The following TTBK1 variants were observed in gnomAD, a reference collection of about 807,000 sequenced individuals.
TTBK1 encodes the protein tau tubulin kinase 1.
In TTBK1, 34 loss-of-function variants were observed where a neutral mutation model predicts 108.5. The observed-to-expected ratio is 0.31, with a 90% CI of 0.24 to 0.42. The LOEUF (loss-of-function observed/expected upper bound fraction) is 0.42. Ranked by LOEUF, TTBK1 falls within the 10% of genes least tolerant of loss-of-function variation. The pLI, the probability that TTBK1 is intolerant of heterozygous loss-of-function variation, is 1.00. For synonymous variants in TTBK1, 809 were observed against 795.1 expected, an observed-to-expected ratio of 1.02 and a Z score of -0.29; for missense variants, 1,539 against 1,826.0, an observed-to-expected ratio of 0.84 and a Z score of 2.86.
At position 43,285,293 on chromosome 6, in the gene TTBK1, G is replaced by T. The variant is rs1212406461; in HGVS notation, c.3883G>T (p.Gly1295Ter). The T allele has an allele frequency of 7.7e-7, 1 of 1,290,886 alleles. No individual in the cohort carries two copies. Among genetic ancestry groups the T allele is most frequent in the Non-Finnish European group, 9.8e-7 (1 of 1,023,184 alleles). The allele number at this position is 1,290,886 out of a possible 1,614,324, so 80.0% of individuals were successfully genotyped here. ...CCCCTCCCCCGGGGGCTCCAAGAAAGGACCCAGAGGGAAACTCCAGGCTCA... is the reference window on the plus strand; with the variant it reads ...CCCCTCCCCCGGGGGCTCCAAGAAATGACCCAGAGGGAAACTCCAGGCTCA... ...GTPSPGGSKK[G>*]PRGKLQAQRA... is the part of the protein sequence containing the mutation. The change falls in exon 15 of 15, where the codon GGA (glycine) becomes TGA (stop). Residue 1295 changes from glycine to a stop codon, truncating the protein, a stop_gained. Transcript: ENST00000259750. LOFTEE classifies it high-confidence loss of function. This position sits in a 1 kb window ranked among gnomAD's most constrained non-coding sequence, Gnocchi z 4.7.
At chr6:43,261,808 CAAAAAA>C (rs11409412) in intron 12 of TTBK1, among the ~76,000 whole-genome samples, 24 of 86,072 alleles carry the variant, frequency 2.8e-4, no homozygotes, top group Middle Eastern at 6.0e-3. Context: ...GATTCTGTCT[CAAAAAA>C]AAAAAAAAAA....
chr6:43,244,604 G>A (rs938732477), intron 1 of TTBK1, among the ~76,000 whole-genome samples: 2 of 152,120 alleles, frequency 1.3e-5, no homozygotes, highest in African/African-American at 2.4e-5. Flanking sequence ...AGAGAAGGAG[G>A]GTGGAGAGGG....
At chr6:43,272,311 A>ACTCAGTG in intron 13 of TTBK1, 1 of 985,504 alleles carries the variant, frequency 1.0e-6, no homozygotes, top group East Asian at 1.1e-4. Context: ...CAGTGACCAG[A>ACTCAGTG]ACCCTGAGGT....
chr6:43,276,598 T>C lies in TTBK1; in HGVS notation c.1987-6129T>C, dbSNP rs975560042. Among the ~76,000 whole-genome samples, 1 of 152,224 alleles carries C rather than the reference T, an allele frequency of 6.6e-6. No homozygotes were observed. The highest frequency in any genetic ancestry group is 2.4e-5 in the African/African-American group (1 of 41,470). ...TTTTGTGCCTTTTTAAGTCCCTGTA[T>C]GTTAATGCAGACAATCCGGAGAGCT... On this transcript the variant is annotated intron_variant, in intron 13 of 14. Transcript: ENST00000259750. The surrounding 1 kb of genome is among the most constrained non-coding windows in gnomAD (Gnocchi z 5.4).
At chr6:43,284,865 A>C in intron 14 of TTBK1, 118 bp from the exon 15 acceptor site, 1 of 1,372,192 alleles carries the variant, frequency 7.3e-7, no homozygotes, top group Non-Finnish European at 9.4e-7. Context: ...CCATGGTCTC[A>C]GTCTCAGCTC....
Position 43,269,565 on chromosome 6 carries a change from G to C in TTBK1, c.1986+6215G>C. ...CGCCGGCGCCGCAGGGGCTGTGAGC[G>C]GTGGGTGGCCCCGGAGACGGAGCTG... On this transcript the variant is annotated intron_variant, in intron 13 of 14. Transcript: ENST00000259750. The surrounding 1 kb of genome is among the most constrained non-coding windows in gnomAD (Gnocchi z 4.8). 1 of 1,438,270 alleles carries C rather than the reference G, an allele frequency of 7.0e-7. No individual in the cohort carries two copies. Among genetic ancestry groups the C allele is most frequent in the Non-Finnish European group, 9.2e-7 (1 of 1,088,766 alleles). The allele number at this position is 1,438,270 out of a possible 1,614,324, so 89.1% of individuals were successfully genotyped here. A position where few individuals can be genotyped will look rare whatever the true frequency, so the allele number is the denominator to read the frequency against.
chr6:43,272,560 A>T (rs947250713), intron 13 of TTBK1: 5 of 985,300 alleles, frequency 5.1e-6, no homozygotes, highest in East Asian at 1.1e-4. Flanking sequence ...TTAGGGGGAC[A>T]TCCTTTTGTA....
chr6:43,258,911 C>T (rs1777447035), intron 10 of TTBK1, 127 bp from the exon 11 acceptor site: 3 of 652,022 alleles, frequency 4.6e-6, no homozygotes, highest in East Asian at 5.6e-5. Flanking sequence ...ACACTCTCAC[C>T]CCTGACGGGA....
At chr6:43,251,655 C>T (rs1054555622) in intron 2 of TTBK1, among the ~76,000 whole-genome samples, 2 of 152,162 alleles carry the variant, frequency 1.3e-5, no homozygotes, top group East Asian at 1.9e-4. Flanking sequence ...CACTTTATTG[C>T]GGTTCTCCTC....
rs1777595661 is a variant in TTBK1 at position 43,263,301 on chromosome 6, G to A, written c.1937G>A (p.Gly646Glu). The change falls in exon 13 of 15, where the codon GGA becomes GAA. Residue 646 changes from glycine (G) to glutamate (E), a missense_variant. This residue lies in a region of TTBK1 where 1,055 missense variants were observed against 1,086.5 expected (regional missense o/e 0.97). Transcript: ENST00000259750. The surrounding 1 kb of genome is among the most constrained non-coding windows in gnomAD (Gnocchi z 4.7). Reference sequence around the variant, plus strand: ...CCTTCCCACTCACCCCTGCACTCGGGACCCCGCCCTCGACGGAGAGAGTCG... The same window carrying A: ...CCTTCCCACTCACCCCTGCACTCGGAACCCCGCCCTCGACGGAGAGAGTCG... ...GSPSHSPLHS[G>E]PRPRRRESDP... 1 of 1,493,068 alleles carries A rather than the reference G, an allele frequency of 6.7e-7. No homozygotes were observed. Among genetic ancestry groups the A allele is most frequent in the Middle Eastern group, 1.8e-4 (1 of 5,632 alleles). The allele number at this position is 1,493,068 out of a possible 1,614,324, so 92.5% of individuals were successfully genotyped here.
rs187867026 is a variant in TTBK1, at chr6:43,258,752, G to A, written c.1017-286G>A. On this transcript the variant is annotated intron_variant, in intron 10 of 14. Coordinates refer to ENST00000259750, the MANE Select transcript of TTBK1 (RefSeq NM_032538.3). ...GTCTAAAGGAAGCCAGACAGTGAAC[G>A]CCAATGGAAATCTGGCAGGTCCTTG... 6.6e-5 allele frequency among the ~76,000 whole-genome samples: 10 copies of A among 152,304 alleles called. No individual in the cohort carries two copies. In the East Asian group the frequency reaches 1.9e-3, roughly 29 times the overall value.
chr6:43,246,730 C>T lies in TTBK1; in HGVS notation c.70C>T (p.Leu24=), dbSNP rs747618899. The T allele has an allele frequency of 8.1e-6, 13 of 1,611,276 alleles. No individual in the cohort carries two copies. The highest frequency in any genetic ancestry group is 1.0e-5 in the Non-Finnish European group (12 of 1,178,772). The change falls in exon 2 of 15, where the codon CTG becomes TTG. Residue 24 remains leucine, a synonymous_variant. Coordinates refer to ENST00000259750, the MANE Select transcript of TTBK1 (RefSeq NM_032538.3). ...MSGGGEQADI[L]PANYVVKDRW... is the part of the protein sequence containing the mutation. ...TGGGGGAGGGGAGCAGGCCGACATC[C>T]TGCCGGCCAACTACGTGGTCAAGGA...
At position 43,285,241 on chromosome 6, in the gene TTBK1, G is replaced by T; in HGVS notation, c.3831G>T (p.Pro1277=). The T allele has an allele frequency of 7.7e-7, 1 of 1,298,918 alleles. No homozygotes were observed. Among genetic ancestry groups the T allele is most frequent in the Non-Finnish European group, 9.7e-7 (1 of 1,028,098 alleles). The allele number at this position is 1,298,918 out of a possible 1,614,324, so 80.5% of individuals were successfully genotyped here. The change falls in exon 15 of 15, where the codon CCG becomes CCT. Residue 1277 remains proline (P), a synonymous_variant. Transcript: ENST00000259750. The surrounding 1 kb of genome is among the most constrained non-coding windows in gnomAD (Gnocchi z 4.7). ...GGGTCCCCCCGCCCCGGGGCGTCCC[G>T]CCGGCCCGGGCCCAGCCTGATGGCA... is the stretch of plus-strand genomic sequence containing the variant. ...RPGVPPPRGV[P]PARAQPDGTP...
intron 13 of TTBK1, chr6:43,270,284 A>C: frequency 2.7e-6 from 3 of 1,113,806 alleles, no homozygotes; most frequent in Non-Finnish European, 3.3e-6. Flanking sequence ...GAGAGGTGTC[A>C]GGGAGATGAG....
In TTBK1 at chr6:43,273,517, G is replaced by C. The variant is rs1365132353; in HGVS notation, c.1987-9210G>C. On this transcript the variant is annotated intron_variant, in intron 13 of 14. Transcript: ENST00000259750. This position sits in a 1 kb window ranked among gnomAD's most constrained non-coding sequence, Gnocchi z 4.2. ...GAGGAGTTAGCATGAGAAAGCAGGGGCTCCAAAGCCTGACCTCAGTGGGAT... is the reference window on the plus strand; with the variant it reads ...GAGGAGTTAGCATGAGAAAGCAGGGCCTCCAAAGCCTGACCTCAGTGGGAT... Among the ~76,000 whole-genome samples the C allele has an allele frequency of 6.6e-6, 1 of 152,110 alleles. No individual in the cohort carries two copies. Among genetic ancestry groups the C allele is most frequent in the Non-Finnish European group, 1.5e-5 (1 of 68,044 alleles).
Position 43,283,830 on chromosome 6 carries a change from G to T in TTBK1, c.3090G>T (p.Leu1030=), listed in dbSNP as rs771170940. ...ACGGGCCAGCCCCGGTGTCCCCGCT[G>T]GAGCCAAGCCCTGAGAAAGTGGCCA... is the stretch of plus-strand genomic sequence containing the variant. The part of the protein sequence containing the change: ...LADGPAPVSP[L]EPSPEKVATI... Residue 1030 remains leucine (L), a synonymous_variant, in exon 14 of 15, where the codon CTG becomes CTT. Transcript: ENST00000259750. This position sits in a 1 kb window ranked among gnomAD's most constrained non-coding sequence, Gnocchi z 8.1. The T allele has an allele frequency of 1.9e-6, 3 of 1,611,434 alleles. No homozygotes were observed. The highest frequency in any genetic ancestry group is 3.3e-5 in the Admixed American group (2 of 59,746).
chr6:43,281,450 G>A (rs996543501), intron 13 of TTBK1, among the ~76,000 whole-genome samples: 1 of 151,944 alleles, frequency 6.6e-6, no homozygotes, highest in Admixed American at 6.6e-5. Flanking sequence ...AGCAGAGAGA[G>A]ATGGAATCAG....
chr6:43,288,140 C>T lies in TTBK1; in HGVS notation c.*2764C>T, dbSNP rs1309228808. ...CAAGCCCTTCCCAGTCACTGCATGGCCTCTGCCCATCCTGCACCTGTCCAC... is the reference window on the plus strand; with the variant it reads ...CAAGCCCTTCCCAGTCACTGCATGGTCTCTGCCCATCCTGCACCTGTCCAC... On this transcript the variant is annotated 3_prime_UTR_variant, in exon 15 of 15. Coordinates refer to ENST00000259750, the MANE Select transcript of TTBK1 (RefSeq NM_032538.3). This position sits in a 1 kb window ranked among gnomAD's most constrained non-coding sequence, Gnocchi z 4.4. 6.5e-6 allele frequency: 1 copy of T among 152,818 alleles called. No homozygotes were observed. The highest frequency in any genetic ancestry group is 1.5e-5 in the Non-Finnish European group (1 of 68,150). 9.5% of individuals were successfully genotyped at this position (152,818 alleles called of 1,614,324 possible).
chr6:43,282,713 T>C lies in TTBK1; in HGVS notation c.1987-14T>C, dbSNP rs1778200070. On this transcript the variant is annotated splice_polypyrimidine_tract_variant and intron_variant, in intron 13 of 14. Transcript: ENST00000259750. This position sits in a 1 kb window ranked among gnomAD's most constrained non-coding sequence, Gnocchi z 5.4. The stretch of plus-strand genomic sequence containing the variant: ...TGGGTGACCTCAGAGGGTCCCTGTG[T>C]ATGCCCCTTGCAGGTGTTCTCCGTG... 6.3e-7 allele frequency: 1 copy of C among 1,587,440 alleles called. No homozygotes were observed. The highest frequency in any genetic ancestry group is 8.6e-7 in the Non-Finnish European group (1 of 1,168,010).
Sources: gnomAD v4.1 joint callset for allele counts (sites outside exome capture counted in the v4.1 genomes callset) on GRCh38, gnomAD v4.1.1 for gene constraint, gnomAD v4.1.1 regional missense constraint, Gnocchi (gnomAD v3.1) non-coding constraint, MANE v1.5 for transcripts, NCBI Gene and HGNC (gene_info 2026-07-23, HGNC 2026-07-21) for gene names.